IKZF4: variants seen among roughly 807,000 people sequenced by gnomAD.
IKZF4 encodes IKAROS family zinc finger 4, also known as zinc finger protein Eos.
A neutral mutation model predicts 47.7 loss-of-function variants in IKZF4; 11 were observed. That is an observed-to-expected ratio of 0.23 (90% CI 0.15 to 0.38). The LOEUF (loss-of-function observed/expected upper bound fraction) is 0.38, where lower values mean the gene tolerates loss of function less well. IKZF4 is among the 10% of genes least tolerant of loss of function. IKZF4 has a pLI of 1.00. For missense variants in IKZF4, 557 were observed against 784.9 expected (o/e 0.71, Z 3.47); for synonymous variants, 298 against 299.4 (o/e 1.00, Z 0.05).
intron 2 of IKZF4, among the ~76,000 whole-genome samples, chr12:56,012,733 G>C (rs1158372560): frequency 3.3e-5 from 5 of 152,188 alleles, no homozygotes; most frequent in African/African-American, 1.2e-4. Context: ...TGTCTAGAAA[G>C]GATGCCCATT....
chr12:56,025,900 C>T (rs1189152134), intron 3 of IKZF4, among the ~76,000 whole-genome samples: 1 of 152,100 alleles, frequency 6.6e-6, no homozygotes, highest in Non-Finnish European at 1.5e-5. Context: ...CCTTAGTCGC[C>T]TCCTCTCCTC....
chr12:56,020,029 C>T (rs543246578), upstream of IKZF4, among the ~76,000 whole-genome samples: 2 of 152,360 alleles, frequency 1.3e-5, no homozygotes, highest in East Asian at 3.9e-4. Context: ...GGCATAGCTG[C>T]GCTCATCACT....
Position 56,026,945 on chromosome 12 carries a change from G to C in IKZF4, c.451G>C (p.Gly151Arg), listed in dbSNP as rs1245130001. 1 of 1,611,976 alleles carries C rather than the reference G, an allele frequency of 6.2e-7. No individual in the cohort carries two copies. Among genetic ancestry groups the C allele is most frequent in the Non-Finnish European group, 8.5e-7 (1 of 1,179,022 alleles). ...GSGPEPHSPG[G>R]IRLPNGKLKC... ...TGGGCCAGAGCCTCACTCCCCTGGG[G>C]GCATCCGGCTGCCCAATGGCAAGCT... The change falls in exon 4 of 8, where the codon GGC (glycine) becomes CGC (arginine). Residue 151 changes from glycine (G) to arginine (R), a missense_variant. Transcript: ENST00000547167.
In IKZF4 at chr12:56,029,407, G is replaced by A. The variant is rs574499458; in HGVS notation, c.715+1460G>A. ...CAGGAGCTGAGCTGGCAGGAAGGAG[G>A]GAGCTCAAGATTGGGAAAAGGCAGG... On this transcript the variant is annotated intron_variant, in intron 5 of 7. Transcript: ENST00000547167. Among the ~76,000 whole-genome samples, 3 of 152,290 alleles carry A rather than the reference G, an allele frequency of 2.0e-5. No individual in the cohort carries two copies. In the East Asian group the frequency reaches 5.8e-4, roughly 29 times the overall value.
chr12:56,024,999 G>T, intron 2 of IKZF4, 55 bp from the exon 3 acceptor site: 1 of 1,552,226 alleles, frequency 6.4e-7, no homozygotes, highest in Non-Finnish European at 8.7e-7. Context: ...TTAGGCAATG[G>T]ACAGTAGATA....
At chr12:56,010,606 G>T (rs1474833117) in intron 1 of IKZF4, 1 of 152,132 alleles carries the variant, frequency 6.6e-6, no homozygotes, top group African/African-American at 2.4e-5. Flanking sequence ...AATAACCCAA[G>T]AAAGAAGGCA....
rs780972607 is a variant in IKZF4, at chr12:56,027,881, T to C, written c.649T>C (p.Cys217Arg). 6.2e-7 allele frequency: 1 copy of C among 1,608,346 alleles called. No individual in the cohort carries two copies. The highest frequency in any genetic ancestry group is 8.5e-7 in the Non-Finnish European group (1 of 1,176,904). Reference protein sequence around the residue: ...KLHSGEKPFKCPFCNYACRRR... With the variant: ...KLHSGEKPFKRPFCNYACRRR... ...GCACTCTGGGGAGAAGCCCTTTAAA[T>C]GTCCCTTCTGCAACTATGCCTGCCG... Residue 217 changes from cysteine (C) to arginine (R), a missense_variant, in exon 5 of 8, where the codon TGT becomes CGT. Physicochemically the swap from Cys to Arg is radical, Grantham distance 180. Coordinates refer to ENST00000547167, the MANE Select transcript of IKZF4 (RefSeq NM_022465.4).
At chr12:56,012,174 T>TG (rs1416314902) in intron 2 of IKZF4, among the ~76,000 whole-genome samples, 2 of 152,168 alleles carry the variant, frequency 1.3e-5, no homozygotes, top group East Asian at 3.8e-4. Context: ...AAACATGGTA[T>TG]GGATCCTTGC....
At position 56,021,209 on chromosome 12, in the gene IKZF4, CAT is replaced by C. The variant is rs1182029778; in HGVS notation, c.-281_-280del. On this transcript the variant is annotated 5_prime_UTR_variant, in exon 1 of 8. Coordinates refer to ENST00000547167, the MANE Select transcript of IKZF4 (RefSeq NM_022465.4). ...CCTAGCATCTCCCCCACTATATACA[CAT>C]ATACATTCTCTCCAGCCCCCTCCCC... 10 of 1,439,632 alleles carry C rather than the reference CAT, an allele frequency of 6.9e-6. No homozygotes were observed. The highest frequency in any genetic ancestry group is 7.3e-6 in the Non-Finnish European group (8 of 1,098,092). 89.2% of individuals were successfully genotyped at this position (1,439,632 alleles called of 1,614,324 possible).
In IKZF4 at chr12:56,035,208, C is replaced by T; in HGVS notation, c.1635C>T (p.Phe545=). Residue 545 remains phenylalanine, a synonymous_variant, in exon 8 of 8, where the codon TTC becomes TTT. Transcript: ENST00000547167. The surrounding 1 kb of genome is among the most constrained non-coding windows in gnomAD (Gnocchi z 6.1). ...CRILFLDHVM[F]TIHMGCHGFR... ...TCCTCTTCCTGGACCACGTCATGTT[C>T]ACTATCCACATGGGCTGCCATGGCT... The T allele has an allele frequency of 1.2e-6, 2 of 1,614,216 alleles. No homozygotes were observed. The highest frequency in any genetic ancestry group is 1.7e-6 in the Non-Finnish European group (2 of 1,180,036).
At chr12:56,032,363 C>T in intron 5 of IKZF4, 198 bp from the exon 6 acceptor site, 2 of 578,250 alleles carry the variant, frequency 3.5e-6, no homozygotes, top group South Asian at 2.2e-5. Context: ...CATAACTGCA[C>T]ATTATCCTTC....
At chr12:56,028,450 G>A (rs1017772047) in intron 5 of IKZF4, among the ~76,000 whole-genome samples, 4 of 144,992 alleles carry the variant, frequency 2.8e-5, no homozygotes, top group African/African-American at 7.5e-5. Flanking sequence ...GGAGAATGGC[G>A]TGAACCCGGG....
intron 5 of IKZF4, among the ~76,000 whole-genome samples, chr12:56,030,727 C>A (rs1213847358): frequency 6.8e-6 from 1 of 146,106 alleles, no homozygotes; most frequent in Admixed American, 6.8e-5. Context: ...GAAACTCCGT[C>A]TCAAAAAAAA....
intron 4 of IKZF4, among the ~76,000 whole-genome samples, chr12:56,027,543 G>C (rs1422950182): frequency 1.3e-5 from 2 of 152,066 alleles, no homozygotes; most frequent in African/African-American, 2.4e-5. Flanking sequence ...TTTTGGCCTC[G>C]TGTTCCAGGC....
At chr12:56,018,729 A>C (rs186939726), upstream of IKZF4, among the ~76,000 whole-genome samples, 62 of 151,456 alleles carry the variant, frequency 4.1e-4, no homozygotes, top group African/African-American at 1.3e-3. Flanking sequence ...TAGTGTGGCC[A>C]AAACTTCTAA....
Position 56,034,722 on chromosome 12 carries a change from C to T in IKZF4, c.1149C>T (p.Pro383=), listed in dbSNP as rs1286982259. 2 of 1,614,020 alleles carry T rather than the reference C, an allele frequency of 1.2e-6. No individual in the cohort carries two copies. The highest frequency in any genetic ancestry group is 1.7e-6 in the Non-Finnish European group (2 of 1,179,878). Residue 383 remains proline, a synonymous_variant, in exon 8 of 8, where the codon CCC becomes CCT. Coordinates refer to ENST00000547167, the MANE Select transcript of IKZF4 (RefSeq NM_022465.4). The part of the protein sequence containing the change: ...LAFVGAEHLR[P]LRLPPTNCIS... ...TTGTGGGTGCAGAGCATCTGCGTCC[C>T]CTCCGCCTTCCACCCACCAATTGCA...
chr12:56,014,484 C>T (rs1378144753), intron 2 of IKZF4, among the ~76,000 whole-genome samples: 7 of 152,212 alleles, frequency 4.6e-5, no homozygotes, highest in Non-Finnish European at 1.0e-4. Context: ...AGGCATTAGG[C>T]ATGCTGCATG....
intron 5 of IKZF4, 68 bp downstream of exon 5, chr12:56,028,015 T>G (rs1894295082): frequency 6.9e-7 from 1 of 1,443,190 alleles, no homozygotes; most frequent in Admixed American, 2.8e-5. Context: ...GCTCAGTGAC[T>G]TCTCTTGTAT....
At chr12:56,024,734 G>A in intron 2 of IKZF4, 1 of 1,222,568 alleles carries the variant, frequency 8.2e-7, no homozygotes, top group Non-Finnish European at 1.0e-6. Flanking sequence ...TGTCCCTTCT[G>A]CAGCCCCCAT....
Sources: gnomAD v4.1 joint callset for allele counts (sites outside exome capture counted in the v4.1 genomes callset) on GRCh38, gnomAD v4.1.1 for gene constraint, Gnocchi (gnomAD v3.1) non-coding constraint, MANE v1.5 for transcripts, NCBI Gene and HGNC (gene_info 2026-07-23, HGNC 2026-07-21) for gene names.